The following HS3ST4 variants were observed in gnomAD, a reference collection of about 807,000 sequenced individuals.
HS3ST4 encodes heparan sulfate glucosamine 3-O-sulfotransferase 4.
A neutral mutation model predicts 29.2 loss-of-function variants in HS3ST4; 17 were observed. The ratio of observed to expected loss-of-function variants is 0.58; its 90% CI spans 0.40 to 0.87. HS3ST4 has a LOEUF of 0.87. Among genes scored for constraint, HS3ST4 ranks in the 40% least tolerant of loss-of-function variants. The pLI is 0.00. For synonymous variants in HS3ST4, 314 were observed against 285.7 expected (o/e 1.10, Z -1.00); for missense variants, 627 against 634.5 (o/e 0.99, Z 0.13).
intron 1 of HS3ST4, among the ~76,000 whole-genome samples, chr16:25,959,748 G>A (rs1015100244): frequency 1.4e-4 from 21 of 152,250 alleles, no homozygotes; most frequent in African/African-American, 5.1e-4. Flanking sequence ...TTGGGGATGG[G>A]GCCTGGTGGG....
Position 25,943,496 on chromosome 16 carries a change from A to G in HS3ST4, c.735-192116A>G, listed in dbSNP as rs545769562. Among the ~76,000 whole-genome samples the G allele has an allele frequency of 2.0e-5, 3 of 152,342 alleles. No homozygotes were observed. In the South Asian group the frequency reaches 6.2e-4, roughly 32 times the overall value. On this transcript the variant is annotated intron_variant, in intron 1 of 1. Coordinates refer to ENST00000331351, the MANE Select transcript of HS3ST4 (RefSeq NM_006040.3). ...GGATGACATTTTGGGGCTATTGAAA[A>G]TATGGGTGGCTTTATGTCTGTTCTA... is the stretch of plus-strand genomic sequence containing the variant.
intron 1 of HS3ST4, among the ~76,000 whole-genome samples, chr16:25,754,691 T>G (rs1966744791): frequency 6.6e-6 from 1 of 152,042 alleles, no homozygotes; most frequent in Admixed American, 6.5e-5. Flanking sequence ...TTTAAAACCC[T>G]CAGATCTCCT....
chr16:25,964,366 G>C (rs1370560790), intron 1 of HS3ST4, among the ~76,000 whole-genome samples: 1 of 152,054 alleles, frequency 6.6e-6, no homozygotes, highest in Non-Finnish European at 1.5e-5. Flanking sequence ...CAGAATCTAA[G>C]AGTTGAAATA....
intron 1 of HS3ST4, among the ~76,000 whole-genome samples, chr16:25,884,245 T>TC (rs1967925786): frequency 6.6e-6 from 1 of 152,030 alleles, no homozygotes; most frequent in Admixed American, 6.6e-5. Context: ...TTGAAGGAGT[T>TC]CCGTGGCATG....
intron 1 of HS3ST4, among the ~76,000 whole-genome samples, chr16:26,029,773 AG>A (rs1024648002): frequency 7.2e-5 from 11 of 152,344 alleles, no homozygotes; most frequent in Admixed American, 7.2e-4. Flanking sequence ...TTCCAGGAGA[AG>A]GGTGCTGGCC....
intron 1 of HS3ST4, among the ~76,000 whole-genome samples, chr16:25,822,786 G>A (rs887713276): frequency 6.6e-6 from 1 of 151,870 alleles, no homozygotes; most frequent in African/African-American, 2.4e-5. Flanking sequence ...CACCCAGGCT[G>A]GAGTGCAGTG....
intron 1 of HS3ST4, among the ~76,000 whole-genome samples, chr16:25,779,237 G>A (rs1212416620): frequency 6.6e-6 from 1 of 152,194 alleles, no homozygotes; most frequent in Admixed American, 6.5e-5. Flanking sequence ...CAAAATCAGG[G>A]TGTTACAGGG....
chr16:25,907,478 C>G (rs1968190546), intron 1 of HS3ST4, among the ~76,000 whole-genome samples: 1 of 152,076 alleles, frequency 6.6e-6, no homozygotes, highest in Admixed American at 6.6e-5. Context: ...AATTTTGTCT[C>G]TATCTATTTC....
intron 1 of HS3ST4, among the ~76,000 whole-genome samples, chr16:26,094,855 G>A (rs1898903360): frequency 6.6e-6 from 1 of 152,140 alleles, no homozygotes; most frequent in South Asian, 2.1e-4. Context: ...TCAGTGTGCT[G>A]TATTCAGGAG....
At chr16:25,828,903 A>G (rs1309864382) in intron 1 of HS3ST4, among the ~76,000 whole-genome samples, 1 of 152,218 alleles carries the variant, frequency 6.6e-6, no homozygotes, top group African/African-American at 2.4e-5. Flanking sequence ...GGTGGATCAT[A>G]TGAAGAACAC....
intron 1 of HS3ST4, among the ~76,000 whole-genome samples, chr16:25,966,951 G>A (rs1450324772): frequency 6.6e-6 from 1 of 152,050 alleles, no homozygotes; most frequent in Non-Finnish European, 1.5e-5. Flanking sequence ...CTCAGCACAG[G>A]GTACCCAGGC....
chr16:25,978,327 G>C (rs1482102023), intron 1 of HS3ST4, among the ~76,000 whole-genome samples: 1 of 152,204 alleles, frequency 6.6e-6, no homozygotes, highest in African/African-American at 2.4e-5. Context: ...TTTCTGTAAA[G>C]GATCCAAGAG....
intron 1 of HS3ST4, among the ~76,000 whole-genome samples, chr16:25,919,824 G>C (rs1968329519): frequency 6.6e-6 from 1 of 152,198 alleles, no homozygotes; most frequent in Admixed American, 6.5e-5. Context: ...AATAATGCTA[G>C]AGGAGTGATA....
chr16:26,010,661 A>T (rs1048048993), intron 1 of HS3ST4, among the ~76,000 whole-genome samples: 2 of 152,088 alleles, frequency 1.3e-5, no homozygotes, highest in Non-Finnish European at 2.9e-5. Context: ...AAGTTATCAA[A>T]TTGATAACTT....
At position 26,096,288 on chromosome 16, in the gene HS3ST4, C is replaced by G. The variant is rs184142816; in HGVS notation, c.735-39324C>G. On this transcript the variant is annotated intron_variant, in intron 1 of 1. Transcript: ENST00000331351. ...ATACCAAATCCTGGCAGAGACACAA[C>G]AAAAAAAGAGAATTGTAGACCAATA... Among the ~76,000 whole-genome samples, 6 of 152,022 alleles carry G rather than the reference C, an allele frequency of 3.9e-5. No homozygotes were observed. In the East Asian group the frequency reaches 1.2e-3, roughly 29 times the overall value.
intron 1 of HS3ST4, among the ~76,000 whole-genome samples, chr16:25,828,301 C>CTTTCTCTCTCTCTCT (rs1555467593): frequency 3.0e-5 from 1 of 32,896 alleles, no homozygotes; most frequent in African/African-American, 1.3e-4. Context: ...TCTTTCTTTC[C>CTTTCTCTCTCTCTCT]CTCTCTCTCT....
intron 1 of HS3ST4, among the ~76,000 whole-genome samples, chr16:25,822,570 C>G (rs1303989727): frequency 6.6e-6 from 1 of 152,108 alleles, no homozygotes; most frequent in Admixed American, 6.5e-5. Context: ...GCAGATATTG[C>G]CAAGTGTCCC....
intron 1 of HS3ST4, among the ~76,000 whole-genome samples, chr16:25,901,917 C>A (rs1318645493): frequency 1.3e-5 from 2 of 152,156 alleles, no homozygotes; most frequent in Non-Finnish European, 2.9e-5. Context: ...GTTTCACTTG[C>A]AAGGAAAGTT....
intron 1 of HS3ST4, among the ~76,000 whole-genome samples, chr16:25,958,686 G>A (rs921084860): frequency 6.6e-6 from 1 of 152,132 alleles, no homozygotes; most frequent in African/African-American, 2.4e-5. Context: ...ATCTGGGGCT[G>A]GAGGATCTAC....
Sources: gnomAD v4.1 joint callset for allele counts (sites outside exome capture counted in the v4.1 genomes callset) on GRCh38, gnomAD v4.1.1 for gene constraint, MANE v1.5 for transcripts, NCBI Gene and HGNC (gene_info 2026-07-23, HGNC 2026-07-21) for gene names.